The following ATP9B variants were observed in gnomAD, a reference collection of about 807,000 sequenced individuals.
ATP9B encodes ATPase phospholipid transporting 9B.
A neutral mutation model predicts 146.1 loss-of-function variants in ATP9B; 110 were observed. The ratio of observed to expected loss-of-function variants is 0.75; its 90% CI spans 0.65 to 0.88. The LOEUF (loss-of-function observed/expected upper bound fraction) is 0.88, where lower values mean the gene tolerates loss of function less well. Among genes scored for constraint, ATP9B ranks in the 40% least tolerant of loss-of-function variants. ATP9B has a pLI of 0.00. For missense variants in ATP9B, 1,499 were observed against 1,496.4 expected (o/e 1.00, Z -0.03); for synonymous variants, 604 against 569.7 (o/e 1.06, Z -0.86).
At chr18:79,344,504 G>T in intron 21 of ATP9B, 150 bp downstream of exon 21, 2 of 774,442 alleles carry the variant, frequency 2.6e-6, no homozygotes, top group Admixed American at 4.0e-5. Context: ...CTGAGGCAAG[G>T]CTGGACCCTG....
rs550694414 is a variant in ATP9B, at chr18:79,322,135, A to G, written c.1774-7006A>G. Among the ~76,000 whole-genome samples, 25 of 152,092 alleles carry G rather than the reference A, an allele frequency of 1.6e-4. No individual in the cohort carries two copies. In the Middle Eastern group the frequency reaches 0.01, roughly 62 times the overall value. On this transcript the variant is annotated intron_variant, in intron 15 of 29. Coordinates refer to ENST00000426216, the MANE Select transcript of ATP9B (RefSeq NM_198531.5). ...TTTGGTAATGTGGAGTGTATCGCTGATGCCCTGAATTACAGGACTGCGTCA... is the reference window on the plus strand; with the variant it reads ...TTTGGTAATGTGGAGTGTATCGCTGGTGCCCTGAATTACAGGACTGCGTCA...
intron 26 of ATP9B, among the ~76,000 whole-genome samples, chr18:79,369,973 C>A (rs950679035): frequency 6.6e-6 from 1 of 152,150 alleles, no homozygotes; most frequent in Non-Finnish European, 1.5e-5. Flanking sequence ...GTGGTGCACA[C>A]TTGTAATCCC....
At chr18:79,285,280 CTGT>C (rs1296074556) in intron 13 of ATP9B, among the ~76,000 whole-genome samples, 1 of 151,854 alleles carries the variant, frequency 6.6e-6, no homozygotes, top group Non-Finnish European at 1.5e-5. Context: ...TCTCCAGCAC[CTGT>C]TGTTTCCTGA....
chr18:79,078,712 G>A lies in ATP9B; in HGVS notation c.119+9183G>A, dbSNP rs149486993. On this transcript the variant is annotated intron_variant, in intron 1 of 29. Transcript: ENST00000426216. ...GTTCTGGGATACTTGTGCAGAATGT[G>A]CAGGTTTGTTGCATAGGTATACACA... Among the ~76,000 whole-genome samples, 879 of 150,200 alleles carry A rather than the reference G, an allele frequency of 5.9e-3. 10 individuals carry two copies. Among genetic ancestry groups the A allele is most frequent in the African/African-American group, 0.02 (811 of 40,638 alleles).
chr18:79,347,818 C>G lies in ATP9B; in HGVS notation c.2731C>G (p.Arg911Gly). 1 of 1,612,748 alleles carries G rather than the reference C, an allele frequency of 6.2e-7. No individual in the cohort carries two copies. The highest frequency in any genetic ancestry group is 8.5e-7 in the Non-Finnish European group (1 of 1,179,156). The change falls in exon 24 of 30, where the codon CGG becomes GGG. Residue 911 changes from arginine to glycine, a missense_variant. By Grantham distance (125) the Arg-to-Gly change is moderately radical. Coordinates refer to ENST00000426216, the MANE Select transcript of ATP9B (RefSeq NM_198531.5). ...LAADFSITQF[R>G]HIGRLLMVHG... ...GGCCGACTTCTCCATCACGCAGTTC[C>G]GGCACATAGGCAGGCTGCTCATGGT...
At chr18:79,279,874 C>T (rs886067995) in intron 13 of ATP9B, among the ~76,000 whole-genome samples, 2 of 152,206 alleles carry the variant, frequency 1.3e-5, no homozygotes, top group African/African-American at 2.4e-5. Flanking sequence ...TTGGTGGGAA[C>T]TTAAGTTAGC....
chr18:79,307,379 C>A, intron 15 of ATP9B, 145 bp downstream of exon 15: 1 of 1,217,796 alleles, frequency 8.2e-7, no homozygotes, highest in Non-Finnish European at 1.1e-6. Flanking sequence ...TGGAAAACTG[C>A]CCAACCTATT....
chr18:79,334,791 C>G (rs1380255691), intron 17 of ATP9B, among the ~76,000 whole-genome samples: 1 of 150,838 alleles, frequency 6.6e-6, no homozygotes, highest in Non-Finnish European at 1.5e-5. Flanking sequence ...CCACCCCCCC[C>G]TTGTGCCGGA....
intron 5 of ATP9B, among the ~76,000 whole-genome samples, chr18:79,137,137 C>G (rs1397247855): frequency 6.6e-6 from 1 of 152,100 alleles, no homozygotes; most frequent in Non-Finnish European, 1.5e-5. Context: ...GTTTTTGTGT[C>G]TGGAAGTTTG....
At chr18:79,334,309 A>G (rs1315508597) in intron 17 of ATP9B, among the ~76,000 whole-genome samples, 1 of 152,168 alleles carries the variant, frequency 6.6e-6, no homozygotes, top group African/African-American at 2.4e-5. Context: ...GTGAGCCGAG[A>G]TCGTGCCACT....
At position 79,207,128 on chromosome 18, in the gene ATP9B, C is replaced by T. The variant is rs966151308; in HGVS notation, c.1030+116C>T. 4 of 956,218 alleles carry T rather than the reference C, an allele frequency of 4.2e-6. No homozygotes were observed. In the African/African-American group the frequency reaches 4.9e-5, roughly 12 times the overall value. 59.2% of individuals were successfully genotyped at this position (956,218 alleles called of 1,614,324 possible). A position where few individuals can be genotyped will look rare whatever the true frequency, so the allele number is the denominator to read the frequency against. On this transcript the variant is annotated intron_variant, in intron 10 of 29. Transcript: ENST00000426216. ...TGCCCTGAAATATTTAGGGACCTTG[C>T]TAAACGCAGACTCCAGCTCAGTGGG...
intron 1 of ATP9B, among the ~76,000 whole-genome samples, chr18:79,093,233 G>C (rs1364979325): frequency 1.3e-5 from 2 of 152,114 alleles, no homozygotes; most frequent in Non-Finnish European, 2.9e-5. Flanking sequence ...TTTAAAGTAA[G>C]GTTGACAGAG....
intron 7 of ATP9B, among the ~76,000 whole-genome samples, chr18:79,168,382 T>TG (rs2095016408): frequency 6.6e-6 from 1 of 151,706 alleles, no homozygotes; most frequent in Non-Finnish European, 1.5e-5. Flanking sequence ...GATTTTGTTT[T>TG]TTTTTTTTTT....
chr18:79,155,966 G>C (rs1432689967), intron 7 of ATP9B, among the ~76,000 whole-genome samples: 2 of 151,772 alleles, frequency 1.3e-5, no homozygotes, highest in Non-Finnish European at 2.9e-5. Context: ...GTTTCACCAT[G>C]TTAGCCAGGA....
chr18:79,092,885 TCTAAA>T (rs1568157610), intron 1 of ATP9B, among the ~76,000 whole-genome samples: 1 of 152,162 alleles, frequency 6.6e-6, no homozygotes, highest in Non-Finnish European at 1.5e-5. Flanking sequence ...AAATGTCTGA[TCTAAA>T]ATAATAATGA....
chr18:79,269,035 T>C (rs962884004), intron 12 of ATP9B, among the ~76,000 whole-genome samples: 1 of 152,230 alleles, frequency 6.6e-6, no homozygotes, highest in Non-Finnish European at 1.5e-5. Flanking sequence ...TGTGTTGAGG[T>C]ACGATGTTTC....
intron 15 of ATP9B, among the ~76,000 whole-genome samples, chr18:79,326,379 C>T (rs2096745437): frequency 2.4e-5 from 3 of 123,656 alleles, no homozygotes; most frequent in East Asian, 2.5e-4. Flanking sequence ...CTGTACCCTC[C>T]CTCCCCTCAC....
chr18:79,285,545 A>C (rs1158135276), intron 13 of ATP9B, among the ~76,000 whole-genome samples: 1 of 151,878 alleles, frequency 6.6e-6, no homozygotes, highest in Non-Finnish European at 1.5e-5. Flanking sequence ...AGGTTGTGAA[A>C]ATTTTCTCCC....
chr18:79,277,729 C>T (rs768345812), intron 13 of ATP9B, among the ~76,000 whole-genome samples: 9 of 152,052 alleles, frequency 5.9e-5, no homozygotes, highest in Admixed American at 2.0e-4. Context: ...GAACTCTTAC[C>T]AATCCGTAAC....
Sources: allele counts gnomAD v4.1 joint callset (sites outside exome capture counted in the v4.1 genomes callset), GRCh38; gene constraint gnomAD v4.1.1; transcripts MANE v1.5; gene names NCBI Gene and HGNC (gene_info 2026-07-23, HGNC 2026-07-21).